PRAG1: variants seen among roughly 807,000 people sequenced by gnomAD.
PRAG1 encodes inactive tyrosine-protein kinase PRAG1.
PRAG1 carries 110 observed loss-of-function variants against 95.6 expected under a neutral mutation model. The ratio of observed to expected loss-of-function variants is 1.15; its 90% confidence interval spans 0.99 to 1.35. The LOEUF is 1.35. Ranked by LOEUF, PRAG1 falls within the 40% of genes most tolerant of loss-of-function variation. PRAG1 has a pLI of 0.00. For missense variants in PRAG1, 2,554 were observed against 1,864.7 expected (o/e 1.37, Z -6.81); for synonymous variants, 1,052 against 819.4 (o/e 1.28, Z -4.85).
intron 3 of PRAG1, among the ~76,000 whole-genome samples, chr8:8,371,198 G>C (rs975118136): frequency 2.2e-4 from 33 of 149,640 alleles, no homozygotes; most frequent in South Asian, 1.1e-3. Context: ...CTCCCCAGCA[G>C]CCCCACAGAA....
intron 3 of PRAG1, among the ~76,000 whole-genome samples, chr8:8,373,130 G>T (rs997879694): frequency 6.6e-6 from 1 of 152,156 alleles, no homozygotes; most frequent in Admixed American, 6.5e-5. Context: ...ATAATTACCA[G>T]TGTGTACTGG....
At chr8:8,331,924 C>T (rs1412773233) in intron 4 of PRAG1, among the ~76,000 whole-genome samples, 1 of 152,180 alleles carries the variant, frequency 6.6e-6, no homozygotes, top group East Asian at 1.9e-4. Flanking sequence ...TTAGCACATG[C>T]ACTGATTAAT....
In PRAG1 at chr8:8,380,768, G is replaced by A. The variant is rs556625301; in HGVS notation, c.330+650C>T. Among the ~76,000 whole-genome samples, 7 of 147,258 alleles carry A rather than the reference G, an allele frequency of 4.8e-5. No individual in the cohort carries two copies. The East Asian group carries it at 6.0e-4, about 13-fold the overall frequency. ...CTCAGGAGGCTGAGGCAGGAGAATCGCTTGAACCAGGGAGTCAGAGATTGC... is the reference window on the plus strand; with the variant it reads ...CTCAGGAGGCTGAGGCAGGAGAATCACTTGAACCAGGGAGTCAGAGATTGC... On this transcript the variant is annotated intron_variant, in intron 2 of 5. Coordinates refer to ENST00000615670, the MANE Select transcript of PRAG1 (RefSeq NM_001080826.3).
At position 8,377,851 on chromosome 8, in the gene PRAG1, C is replaced by T; in HGVS notation, c.558G>A (p.Lys186=). ...ATGAGGGTTTTTCTTTGTGCACAGC[C>T]TTCTCCTCCGGGAAGCTCACCGGGT... ...AFHPVSFPEE[K]AVHKEKPSFP... Residue 186 remains lysine, a synonymous_variant, in exon 3 of 6, where the codon AAG becomes AAA. Transcript: ENST00000615670. The T allele has an allele frequency of 6.2e-7, 1 of 1,614,186 alleles. No individual in the cohort carries two copies. The highest frequency in any genetic ancestry group is 8.5e-7 in the Non-Finnish European group (1 of 1,180,026).
chr8:8,328,051 G>A lies in PRAG1; in HGVS notation c.2731C>T (p.Gln911Ter), dbSNP rs1222106021. Reference sequence around the variant, plus strand: ...GAGGCGGAGGGGGCCCCTTTGCACTGGAGGCCAGGGCTCCCGCAGCCGCCT... The same window carrying A: ...GAGGCGGAGGGGGCCCCTTTGCACTAGAGGCCAGGGCTCCCGCAGCCGCCT... ...NRGGCGSPGL[Q>*]CKGAPSASSS... is the part of the protein sequence containing the mutation. The change falls in exon 5 of 6, where the codon CAG becomes TAG. Residue 911 changes from glutamine (Q) to a stop codon, truncating the protein, a stop_gained. Transcript: ENST00000615670. LOFTEE classifies it high-confidence loss of function. 6.3e-7 allele frequency: 1 copy of A among 1,591,638 alleles called. No individual in the cohort carries two copies. Among genetic ancestry groups the A allele is most frequent in the East Asian group, 2.2e-5 (1 of 44,722 alleles).
Position 8,318,639 on chromosome 8 carries a change from C to G in PRAG1, c.3736G>C (p.Ala1246Pro). 1 of 1,612,624 alleles carries G rather than the reference C, an allele frequency of 6.2e-7. No homozygotes were observed. The highest frequency in any genetic ancestry group is 8.5e-7 in the Non-Finnish European group (1 of 1,179,886). Residue 1246 changes from alanine (A) to proline (P), a missense_variant, in exon 6 of 6, where the codon GCT (alanine) becomes CCT (proline). Transcript: ENST00000615670. The surrounding 1 kb of genome is among the most constrained non-coding windows in gnomAD (Gnocchi z 4.2). ...QARLAPEIVSASQYRKFDEFQ... is the reference protein window; with the variant it reads ...QARLAPEIVSPSQYRKFDEFQ... ...TCATCGAACTTGCGGTACTGGGAAG[C>G]AGACACGATCTCGGGGGCCAGCCGG...
intron 4 of PRAG1, among the ~76,000 whole-genome samples, chr8:8,335,608 G>A (rs1798961410): frequency 6.6e-6 from 1 of 152,106 alleles, no homozygotes; most frequent in Admixed American, 6.5e-5. Flanking sequence ...AGTTTAACGG[G>A]GAAGGTTTAA....
intron 3 of PRAG1, among the ~76,000 whole-genome samples, chr8:8,349,101 G>A (rs564111697): frequency 4.6e-5 from 7 of 152,210 alleles, no homozygotes; most frequent in Admixed American, 1.3e-4. Flanking sequence ...TACTAGGTTG[G>A]TGCAAAAGTA....
intron 3 of PRAG1, among the ~76,000 whole-genome samples, chr8:8,350,305 AAGAGAG>A: frequency 6.6e-6 from 1 of 152,164 alleles, no homozygotes. Context: ...ATGAGCAGGT[AAGAGAG>A]TGATGAAGAA....
Position 8,376,571 on chromosome 8 carries a change from G to A in PRAG1, c.1838C>T (p.Pro613Leu). ...GVAISDPSRC[P>L]QPAASSASEQ... ...CGAGGCTGACGAGGCGGCAGGCTGG[G>A]GACACCTGGATGGGTCACTGATAGC... Residue 613 changes from proline to leucine, a missense_variant, in exon 3 of 6, where the codon CCC becomes CTC. Coordinates refer to ENST00000615670, the MANE Select transcript of PRAG1 (RefSeq NM_001080826.3). 1 of 1,607,298 alleles carries A rather than the reference G, an allele frequency of 6.2e-7. No individual in the cohort carries two copies. Among genetic ancestry groups the A allele is most frequent in the Non-Finnish European group, 8.5e-7 (1 of 1,175,632 alleles).
In PRAG1 at chr8:8,381,553, C is replaced by G; in HGVS notation, c.195G>C (p.Glu65Asp). 6 of 1,614,228 alleles carry G rather than the reference C, an allele frequency of 3.7e-6. No individual in the cohort carries two copies. Among genetic ancestry groups the G allele is most frequent in the Non-Finnish European group, 5.1e-6 (6 of 1,180,026 alleles). ...PPPPRLPPRPENCRLEDEGVN... is the reference protein window; with the variant it reads ...PPPPRLPPRPDNCRLEDEGVN... ...CACCTTCATCTTCCAGGCGGCAGTT[C>G]TCAGGCCTGGGAGGCAGGCGCGGTG... Residue 65 changes from glutamate to aspartate, a missense_variant, in exon 2 of 6, where the codon GAG (glutamate) becomes GAC (aspartate). Transcript: ENST00000615670.
Position 8,381,968 on chromosome 8 carries a change from G to C in PRAG1, c.-87-134C>G, listed in dbSNP as rs1263543820. On this transcript the variant is annotated intron_variant, in intron 1 of 5. Transcript: ENST00000615670. ...AAAGATTAGGATCCCATTTATTTTG[G>C]GACCCTCGCCCATTTGTCACAAGGC... The C allele has an allele frequency of 1.2e-5, 6 of 480,814 alleles. No homozygotes were observed. The East Asian group carries it at 2.1e-4, about 16-fold the overall frequency. 29.8% of individuals were successfully genotyped at this position (480,814 alleles called of 1,614,324 possible). A position where few individuals can be genotyped will look rare whatever the true frequency, so the allele number is the denominator to read the frequency against.
intron 5 of PRAG1, among the ~76,000 whole-genome samples, chr8:8,321,162 G>A (rs1798458847): frequency 6.6e-6 from 1 of 152,184 alleles, no homozygotes. Flanking sequence ...ACAGCTCACT[G>A]CGGTTTTGAC....
Position 8,319,255 on chromosome 8 carries a change from G to A in PRAG1, c.3120C>T (p.Ser1040=), listed in dbSNP as rs772245335. The A allele has an allele frequency of 1.3e-6, 2 of 1,539,770 alleles. No individual in the cohort carries two copies. Among genetic ancestry groups the A allele is most frequent in the South Asian group, 1.2e-5 (1 of 80,284 alleles). ...GCTGGATGTTAAAGTGCACGGGCAC[G>A]GACGGGCTGCAGTAGGAGACTGTTT... ...EPKTVSYCSP[S]VPVHFNIQQD... Residue 1040 remains serine, a synonymous_variant, in exon 6 of 6, where the codon TCC becomes TCT. Transcript: ENST00000615670.
At chr8:8,355,076 G>C (rs1034412715) in intron 3 of PRAG1, among the ~76,000 whole-genome samples, 14 of 116,298 alleles carry the variant, frequency 1.2e-4, no homozygotes, top group Non-Finnish European at 2.5e-4. Flanking sequence ...TAAAGTTGCA[G>C]GATAGAAGAT....
In PRAG1 at chr8:8,386,357, C is replaced by G. The variant is rs967413329; in HGVS notation, c.-124G>C. ...GCTCCCCCGGCCCCTCCGTCGGTCT[C>G]CGAGCCGCCAGCCGCCCGGCCGGAG... On this transcript the variant is annotated 5_prime_UTR_variant, in exon 1 of 6. Transcript: ENST00000615670. The G allele has an allele frequency of 1.3e-5, 2 of 152,320 alleles. No individual in the cohort carries two copies. Among genetic ancestry groups the G allele is most frequent in the African/African-American group, 4.8e-5 (2 of 41,464 alleles). The allele number at this position is 152,320 out of a possible 1,614,324, so 9.4% of individuals were successfully genotyped here.
At chr8:8,330,868 T>TA (rs896777646) in intron 4 of PRAG1, among the ~76,000 whole-genome samples, 3 of 151,762 alleles carry the variant, frequency 2.0e-5, no homozygotes, top group African/African-American at 7.3e-5. Flanking sequence ...ACCTCCTGGA[T>TA]AAAAAAAGGA....
At chr8:8,335,493 G>A (rs898335167) in intron 4 of PRAG1, among the ~76,000 whole-genome samples, 1 of 152,018 alleles carries the variant, frequency 6.6e-6, no homozygotes, top group African/African-American at 2.4e-5. Flanking sequence ...CTGGGATGGG[G>A]TGTCAGAAAA....
chr8:8,380,997 G>A (rs1800618166), intron 2 of PRAG1, among the ~76,000 whole-genome samples: 1 of 152,142 alleles, frequency 6.6e-6, no homozygotes, highest in Non-Finnish European at 1.5e-5. Flanking sequence ...GGGGGTCAGT[G>A]TGAGGGAGGT....
Sources: allele counts gnomAD v4.1 joint callset (sites outside exome capture counted in the v4.1 genomes callset), GRCh38; gene constraint gnomAD v4.1.1; non-coding constraint Gnocchi (gnomAD v3.1); transcripts MANE v1.5; gene names NCBI Gene and HGNC (gene_info 2026-07-23, HGNC 2026-07-21).